YWHAE: variants seen among roughly 807,000 people sequenced by gnomAD.
YWHAE encodes the protein tyrosine 3-monooxygenase/tryptophan 5-monooxygenase activation protein epsilon, also known as 14-3-3 protein epsilon.
A neutral mutation model predicts 30.1 loss-of-function variants in YWHAE; 4 were observed. The observed-to-expected ratio is 0.13, with a 90% CI of 0.07 to 0.30. The LOEUF (loss-of-function observed/expected upper bound fraction) is 0.30, where lower values mean the gene tolerates loss of function less well. Among genes scored for constraint, YWHAE ranks in the 10% least tolerant of loss-of-function variants. The pLI is 1.00. For synonymous variants in YWHAE, 118 were observed against 111.8 expected, an observed-to-expected ratio of 1.06 and a Z score of -0.35; for missense variants, 121 against 315.9, an observed-to-expected ratio of 0.38 and a Z score of 4.68.
chr17:1,392,177 C>A (rs568342580), intron 1 of YWHAE, among the ~76,000 whole-genome samples: 17 of 151,730 alleles, frequency 1.1e-4, no homozygotes, highest in Non-Finnish European at 2.2e-4. Flanking sequence ...ATACTGAGAT[C>A]TTGTCTCGGG....
chr17:1,355,210 G>A (rs1292949918), intron 4 of YWHAE, among the ~76,000 whole-genome samples: 3 of 121,508 alleles, frequency 2.5e-5, no homozygotes, highest in Admixed American at 2.0e-4. Context: ...AGGCTGGAGT[G>A]CAGTGGCGGG....
rs557293769 is a variant in YWHAE at position 1,345,167 on chromosome 17, C to T, written c.*280G>A. 4 of 452,346 alleles carry T rather than the reference C, an allele frequency of 8.8e-6. No individual in the cohort carries two copies. Among genetic ancestry groups the T allele is most frequent in the Middle Eastern group, 5.9e-4 (1 of 1,696 alleles). 28.0% of individuals were successfully genotyped at this position (452,346 alleles called of 1,614,324 possible). ...GATCTTGCCACATCTGGCACGGAGA[C>T]GACACAGTAATGCTGAAAAAGCCTC... On this transcript the variant is annotated 3_prime_UTR_variant, in exon 6 of 6. Coordinates refer to ENST00000264335, the MANE Select transcript of YWHAE (RefSeq NM_006761.5).
At chr17:1,362,104 T>C in intron 2 of YWHAE, 96 bp from the exon 3 acceptor site, 1 of 697,584 alleles carries the variant, frequency 1.4e-6, no homozygotes, top group Non-Finnish European at 2.2e-6. Context: ...GAGAGCTTAG[T>C]ATTAAAAAGA....
intron 5 of YWHAE, chr17:1,347,932 G>T: frequency 1.7e-5 from 17 of 1,004,972 alleles, no homozygotes; most frequent in Non-Finnish European, 1.9e-5. Flanking sequence ...AACTGAAAGC[G>T]GAATTCACTG....
At chr17:1,379,709 C>T (rs1238372761) in intron 1 of YWHAE, among the ~76,000 whole-genome samples, 1 of 152,114 alleles carries the variant, frequency 6.6e-6, no homozygotes, top group African/African-American at 2.4e-5. Flanking sequence ...CTGGGATGTA[C>T]CCTGGAGCGT....
At chr17:1,355,115 T>TAAAAAAAAAAAAAAAAAGAAA (rs2072712838) in intron 4 of YWHAE, among the ~76,000 whole-genome samples, 1 of 72,366 alleles carries the variant, frequency 1.4e-5, no homozygotes, top group Non-Finnish European at 2.5e-5. Flanking sequence ...CCAAGATTTT[T>TAAAAAAAAAAAAAAAAAGAAA]TAAAAAAAAA....
chr17:1,348,639 C>CAA (rs1280489336), intron 5 of YWHAE, among the ~76,000 whole-genome samples: 1 of 152,190 alleles, frequency 6.6e-6, no homozygotes, highest in African/African-American at 2.4e-5. Flanking sequence ...AAGCTGGTGT[C>CAA]AAACTCCTGG....
At chr17:1,381,478 C>T (rs938730848) in intron 1 of YWHAE, among the ~76,000 whole-genome samples, 1 of 152,028 alleles carries the variant, frequency 6.6e-6, no homozygotes, top group Non-Finnish European at 1.5e-5. Context: ...CACTGCACTC[C>T]AGCATGGGCA....
At chr17:1,370,407 A>G (rs369974281) in intron 1 of YWHAE, among the ~76,000 whole-genome samples, 1 of 151,784 alleles carries the variant, frequency 6.6e-6, no homozygotes, top group Non-Finnish European at 1.5e-5. Flanking sequence ...CTGGGATTAC[A>G]GGCGTGAGCC....
In YWHAE at chr17:1,355,116, TAAAAAAAAAA is replaced by T. The variant is rs869230957; in HGVS notation, c.579-779_579-770del. On this transcript the variant is annotated intron_variant, in intron 4 of 5. Coordinates refer to ENST00000264335, the MANE Select transcript of YWHAE (RefSeq NM_006761.5). ...ACACACTACCACCCCCAAGATTTTT[TAAAAAAAAAA>T]AAAAAAAAAAAAAAAAAAAAAATTT... Among the ~76,000 whole-genome samples, 95 of 17,168 alleles carry T rather than the reference TAAAAAAAAAA, an allele frequency of 5.5e-3. 1 individual carries two copies. Among genetic ancestry groups the T allele is most frequent in the South Asian group, 0.016 (5 of 322 alleles). 11.3% of individuals were successfully genotyped at this position (17,168 alleles called of 152,430 possible).
chr17:1,357,251 A>C (rs1180966563), intron 4 of YWHAE, among the ~76,000 whole-genome samples: 1 of 152,016 alleles, frequency 6.6e-6, no homozygotes, highest in Non-Finnish European at 1.5e-5. Flanking sequence ...AAAATACCAA[A>C]AATTAGCCGG....
chr17:1,365,143 C>T, intron 1 of YWHAE, 85 bp from the exon 2 acceptor site: 2 of 1,394,462 alleles, frequency 1.4e-6, no homozygotes, highest in Admixed American at 2.4e-5. Context: ...TTCTGTCAAG[C>T]TACTGCGAAA....
At chr17:1,388,900 A>G (rs1023986661) in intron 1 of YWHAE, among the ~76,000 whole-genome samples, 3 of 152,214 alleles carry the variant, frequency 2.0e-5, no homozygotes, top group Non-Finnish European at 4.4e-5. Context: ...TAATCCTATC[A>G]TAAATCTTAA....
chr17:1,353,309 G>A (rs1446062211), intron 5 of YWHAE, among the ~76,000 whole-genome samples: 4 of 151,796 alleles, frequency 2.6e-5, no homozygotes, highest in Non-Finnish European at 2.9e-5. Flanking sequence ...GTGGTGGCAG[G>A]CACCTGTAGT....
chr17:1,368,846 G>C (rs768938534), intron 1 of YWHAE, among the ~76,000 whole-genome samples: 5 of 152,108 alleles, frequency 3.3e-5, no homozygotes, highest in Admixed American at 1.3e-4. Flanking sequence ...CAAAAACAGT[G>C]CCATTAATTC....
intron 1 of YWHAE, chr17:1,398,902 C>G (rs1001245264): frequency 1.3e-5 from 2 of 151,916 alleles, no homozygotes; most frequent in African/African-American, 4.8e-5. Context: ...TTATTTAAAA[C>G]GGAAAAAAAG....
At chr17:1,367,318 A>C (rs1447479600) in intron 1 of YWHAE, among the ~76,000 whole-genome samples, 1 of 152,162 alleles carries the variant, frequency 6.6e-6, no homozygotes, top group Non-Finnish European at 1.5e-5. Context: ...TAAAGAATTA[A>C]CTGTCCATGC....
At chr17:1,358,291 G>C (rs1288905746) in intron 4 of YWHAE, among the ~76,000 whole-genome samples, 1 of 152,040 alleles carries the variant, frequency 6.6e-6, no homozygotes, top group Non-Finnish European at 1.5e-5. Context: ...CCAGGCTGGA[G>C]TGCAGTGGCG....
intron 1 of YWHAE, among the ~76,000 whole-genome samples, chr17:1,377,457 C>G (rs150802481): frequency 6.6e-6 from 1 of 152,266 alleles, no homozygotes; most frequent in East Asian, 1.9e-4. Context: ...TAAAAAGGTT[C>G]TGTCAGAACC....
Sources: allele counts gnomAD v4.1 joint callset (sites outside exome capture counted in the v4.1 genomes callset), GRCh38; gene constraint gnomAD v4.1.1; transcripts MANE v1.5; gene names NCBI Gene and HGNC (gene_info 2026-07-23, HGNC 2026-07-21).